Variants in CPB1 observed in about 807,000 individuals in gnomAD.
CPB1 encodes the protein carboxypeptidase B.
CPB1 carries 53 observed loss-of-function variants against 51.4 expected under a neutral mutation model. The ratio of observed to expected loss-of-function variants is 1.03; its 90% CI spans 0.83 to 1.30. CPB1 has a LOEUF of 1.30. Ranked by LOEUF, CPB1 falls within the 50% of genes most tolerant of loss-of-function variation. The probability of loss-of-function intolerance (pLI) is 0.00; values close to 1 mark genes in which losing one functional copy is unlikely to be tolerated. For missense variants in CPB1, 494 were observed against 516.2 expected (o/e 0.96, Z 0.42); for synonymous variants, 189 against 186.9 (o/e 1.01, Z -0.09).
intron 2 of CPB1, among the ~76,000 whole-genome samples, chr3:148,833,347 T>C (rs1287073312): frequency 6.6e-6 from 1 of 152,136 alleles, no homozygotes; most frequent in Non-Finnish European, 1.5e-5. Flanking sequence ...CACCTCTAGA[T>C]TTCTACAGTG....
intron 2 of CPB1, among the ~76,000 whole-genome samples, chr3:148,828,736 G>A (rs1377949658): frequency 6.6e-6 from 1 of 152,240 alleles, no homozygotes; most frequent in East Asian, 1.9e-4. Context: ...TTCCACTTGG[G>A]CCAATGCCGT....
Position 148,860,173 on chromosome 3 carries a change from A to G in CPB1, c.*171A>G. 1.6e-6 allele frequency: 1 copy of G among 624,466 alleles called. No homozygotes were observed. Among genetic ancestry groups the G allele is most frequent in the South Asian group, 2.2e-5 (1 of 45,018 alleles). The allele number at this position is 624,466 out of a possible 1,614,324, so 38.7% of individuals were successfully genotyped here. On this transcript the variant is annotated 3_prime_UTR_variant, in exon 11 of 11. Transcript: ENST00000282957. ...GTATTGATCATAATAAAAGTGAATC[A>G]TTACTATTGGAAAACTTGACATATG... is the stretch of plus-strand genomic sequence containing the variant.
intron 9 of CPB1, among the ~76,000 whole-genome samples, chr3:148,847,372 T>TAAAAAAAAA (rs3043983): frequency 1.2e-5 from 1 of 86,704 alleles, no homozygotes; most frequent in African/African-American, 4.9e-5. Flanking sequence ...AAATCATTCT[T>TAAAAAAAAA]AAAAAAAAAA....
At chr3:148,842,953 T>C (rs1052178777) in intron 6 of CPB1, among the ~76,000 whole-genome samples, 15 of 152,198 alleles carry the variant, frequency 9.9e-5, no homozygotes, top group Admixed American at 7.9e-4. Flanking sequence ...CAAAATTTAA[T>C]TTTGAAAAAT....
Position 148,846,827 on chromosome 3 carries a change from A to G in CPB1, c.981+1201A>G, listed in dbSNP as rs536060513. Among the ~76,000 whole-genome samples the G allele has an allele frequency of 5.5e-3, 617 of 111,418 alleles. 33 individuals are homozygous for G. Among genetic ancestry groups the G allele is most frequent in the African/African-American group, 0.021 (579 of 27,210 alleles). 73.1% of individuals were successfully genotyped at this position (111,418 alleles called of 152,430 possible). A position where few individuals can be genotyped will look rare whatever the true frequency, so the allele number is the denominator to read the frequency against. ...TATATATATATATATATATATATATATATATATATATATATGTTAGCACCG... is the reference window on the plus strand; with the variant it reads ...TATATATATATATATATATATATATGTATATATATATATATGTTAGCACCG... On this transcript the variant is annotated intron_variant, in intron 9 of 10. Transcript: ENST00000282957.
chr3:148,843,596 C>G (rs1172045157), intron 6 of CPB1, among the ~76,000 whole-genome samples: 1 of 151,918 alleles, frequency 6.6e-6, no homozygotes, highest in Non-Finnish European at 1.5e-5. Context: ...GCTCCTCCAA[C>G]CCAAAAAGCA....
chr3:148,833,357 G>A (rs528578975), intron 2 of CPB1, among the ~76,000 whole-genome samples: 8 of 152,160 alleles, frequency 5.3e-5, no homozygotes, highest in African/African-American at 1.4e-4. Flanking sequence ...TTTCTACAGT[G>A]GTTTGAAGCT....
chr3:148,846,572 G>A (rs1021733727), intron 9 of CPB1, among the ~76,000 whole-genome samples: 5 of 150,734 alleles, frequency 3.3e-5, no homozygotes, highest in Admixed American at 2.6e-4. Context: ...TCAGTCTTTC[G>A]GAGACCAAAT....
chr3:148,844,072 A>G (rs1713162283), intron 6 of CPB1, among the ~76,000 whole-genome samples: 1 of 152,214 alleles, frequency 6.6e-6, no homozygotes, highest in Non-Finnish European at 1.5e-5. Context: ...ACAGCTATCC[A>G]CAGACACGTC....
Position 148,840,738 on chromosome 3 carries a change from G to T in CPB1, c.325G>T (p.Val109Phe), listed in dbSNP as rs1368871130. The change falls in exon 4 of 11, where the codon GTT (valine) becomes TTT (phenylalanine). Residue 109 changes from valine to phenylalanine, a missense_variant. By Grantham distance (50) the Val-to-Phe change is conservative. Transcript: ENST00000282957. Reference sequence around the variant, plus strand: ...GGTGGAGGCTCAGTTTGATAGCCGGGTTCGTGCAACAGGACACAGTTATGA... The same window carrying T: ...GGTGGAGGCTCAGTTTGATAGCCGGTTTCGTGCAACAGGACACAGTTATGA... ...NVVEAQFDSR[V>F]RATGHSYEKY... 3 of 1,614,148 alleles carry T rather than the reference G, an allele frequency of 1.9e-6. No homozygotes were observed. The highest frequency in any genetic ancestry group is 2.5e-6 in the Non-Finnish European group (3 of 1,180,006).
chr3:148,846,819 A>ATATATATATATATC (rs1713264426), intron 9 of CPB1, among the ~76,000 whole-genome samples: 1 of 104,958 alleles, frequency 9.5e-6, no homozygotes, highest in African/African-American at 4.0e-5. Flanking sequence ...ATATATATAT[A>ATATATATATATATC]TATATATATA....
chr3:148,835,881 T>C (rs533989215), intron 3 of CPB1, among the ~76,000 whole-genome samples: 67 of 152,252 alleles, frequency 4.4e-4, no homozygotes, highest in African/African-American at 1.3e-3. Flanking sequence ...AATCTGTACC[T>C]CCATCAGGAG....
intron 9 of CPB1, among the ~76,000 whole-genome samples, chr3:148,846,797 G>GTGTATGTATATA (rs1364486523): frequency 9.5e-4 from 48 of 50,528 alleles, no homozygotes; most frequent in East Asian, 1.6e-3. Flanking sequence ...GTGTGCGTGT[G>GTGTATGTATATA]TATATATATA....
At chr3:148,845,178 A>G (rs1713196404) in intron 8 of CPB1, among the ~76,000 whole-genome samples, 1 of 152,156 alleles carries the variant, frequency 6.6e-6, no homozygotes, top group Non-Finnish European at 1.5e-5. Flanking sequence ...ATCATTGTGT[A>G]ATACTACACG....
intron 3 of CPB1, among the ~76,000 whole-genome samples, chr3:148,839,631 C>T (rs776577687): frequency 1.3e-5 from 2 of 152,132 alleles, no homozygotes; most frequent in Non-Finnish European, 2.9e-5. Context: ...GACACAAGTT[C>T]GTACCCAAGT....
At chr3:148,839,330 C>T (rs2108014035) in intron 3 of CPB1, among the ~76,000 whole-genome samples, 1 of 152,138 alleles carries the variant, frequency 6.6e-6, no homozygotes, top group Non-Finnish European at 1.5e-5. Flanking sequence ...CATTTTTATC[C>T]CAGTGAGACT....
rs371493769 is a variant in CPB1, at chr3:148,829,472, T to C, written c.147+1395T>C. ...TTCAGTCAAAACCATTAGGTAATTT[T>C]TTTTCCTCACATGAATCACCCTCAA... On this transcript the variant is annotated intron_variant, in intron 2 of 10. Coordinates refer to ENST00000282957, the MANE Select transcript of CPB1 (RefSeq NM_001871.3). Among the ~76,000 whole-genome samples the C allele has an allele frequency of 3.3e-5, 5 of 152,308 alleles. No homozygotes were observed. In the South Asian group the frequency reaches 1.0e-3, roughly 32 times the overall value.
chr3:148,843,700 A>C (rs911708089), intron 6 of CPB1, among the ~76,000 whole-genome samples: 37 of 152,178 alleles, frequency 2.4e-4, no homozygotes, highest in Non-Finnish European at 1.5e-5. Context: ...ATCTACTTTA[A>C]AGTTTATTCA....
chr3:148,838,693 A>T (rs896904165), intron 3 of CPB1, among the ~76,000 whole-genome samples: 18 of 152,200 alleles, frequency 1.2e-4, no homozygotes, highest in African/African-American at 4.3e-4. Flanking sequence ...ACTAAGGCTT[A>T]TAGATTGGAA....
Sources: allele counts gnomAD v4.1 joint callset (sites outside exome capture counted in the v4.1 genomes callset), GRCh38; gene constraint gnomAD v4.1.1; transcripts MANE v1.5; gene names NCBI Gene and HGNC (gene_info 2026-07-23, HGNC 2026-07-21).